HLCS: variants seen among roughly 807,000 people sequenced by gnomAD.
The protein encoded by HLCS is holocarboxylase synthetase, also known as biotin--protein ligase.
HLCS carries 53 observed loss-of-function variants against 75.0 expected under a neutral mutation model. The observed-to-expected ratio is 0.71, with a 90% CI of 0.57 to 0.89. The LOEUF (loss-of-function observed/expected upper bound fraction) is 0.89. Among genes scored for constraint, HLCS ranks in the 40% least tolerant of loss-of-function variants. The probability of loss-of-function intolerance (pLI) is 0.00; values close to 1 mark genes in which losing one functional copy is unlikely to be tolerated. For missense variants in HLCS, 966 were observed against 1,074.0 expected, an observed-to-expected ratio of 0.90 and a Z score of 1.41; for synonymous variants, 431 against 428.6, an observed-to-expected ratio of 1.01 and a Z score of -0.07.
At chr21:36,956,534 C>T (rs1314415788) in intron 2 of HLCS, among the ~76,000 whole-genome samples, 2 of 152,106 alleles carry the variant, frequency 1.3e-5, no homozygotes, top group East Asian at 1.9e-4. Context: ...CAAGACCATT[C>T]TGGCTAACAC....
At chr21:36,926,379 G>A (rs904576037) in intron 5 of HLCS, among the ~76,000 whole-genome samples, 1 of 152,174 alleles carries the variant, frequency 6.6e-6, no homozygotes, top group Admixed American at 6.5e-5. Context: ...CTATCAGAGC[G>A]AACCCTTTCT....
chr21:36,959,243 C>G (rs1009325735), intron 2 of HLCS, among the ~76,000 whole-genome samples: 4 of 152,210 alleles, frequency 2.6e-5, no homozygotes, highest in African/African-American at 7.2e-5. Flanking sequence ...TGAAGCTGAG[C>G]CTGGGCGGTG....
intron 6 of HLCS, among the ~76,000 whole-genome samples, chr21:36,865,341 G>C (rs1446357392): frequency 6.6e-6 from 1 of 152,056 alleles, no homozygotes; most frequent in Non-Finnish European, 1.5e-5. Context: ...CCTTGAAACA[G>C]AAGCTCTGTT....
chr21:36,754,378 C>T lies in HLCS; in HGVS notation c.2490G>A (p.Lys830=). The T allele has an allele frequency of 1.2e-6, 2 of 1,613,814 alleles. No homozygotes were observed. Among genetic ancestry groups the T allele is most frequent in the Non-Finnish European group, 1.7e-6 (2 of 1,179,988 alleles). Residue 830 remains lysine, a synonymous_variant, in exon 11 of 11, where the codon AAG becomes AAA. Transcript: ENST00000674895. ...AATCGTCCAGGCCAACGATGGACAC[C>T]TTTGGTCCCTCTGCGCTGCCCAGAT... is the stretch of plus-strand genomic sequence containing the variant. ...QVHLGSAEGP[K]VSIVGLDDSG... is the part of the protein sequence containing the mutation.
At chr21:36,784,779 A>T (rs1375532716) in intron 6 of HLCS, among the ~76,000 whole-genome samples, 1 of 152,090 alleles carries the variant, frequency 6.6e-6, no homozygotes, top group Non-Finnish European at 1.5e-5. Context: ...CATTTTCTAA[A>T]AGTAAATACT....
intron 2 of HLCS, among the ~76,000 whole-genome samples, chr21:36,961,495 G>A (rs1242857855): frequency 6.6e-6 from 1 of 152,094 alleles, no homozygotes. Flanking sequence ...TCCAGCCTAG[G>A]TGACACAATA....
chr21:36,889,882 T>C (rs922615978), intron 6 of HLCS, among the ~76,000 whole-genome samples: 1 of 152,208 alleles, frequency 6.6e-6, no homozygotes, highest in Non-Finnish European at 1.5e-5. Context: ...CATGGTGATA[T>C]GGTTATGCCC....
chr21:36,902,813 T>C (rs2065293525), intron 5 of HLCS, among the ~76,000 whole-genome samples: 1 of 151,906 alleles, frequency 6.6e-6, no homozygotes, highest in Non-Finnish European at 1.5e-5. Context: ...GACTCTGAAC[T>C]GAGAGTGAGA....
chr21:36,929,662 T>C (rs2066549196), intron 5 of HLCS, among the ~76,000 whole-genome samples: 1 of 152,212 alleles, frequency 6.6e-6, no homozygotes, highest in Non-Finnish European at 1.5e-5. Context: ...TCACAATGAC[T>C]ATGAAACTGA....
At chr21:36,867,957 G>A (rs575760817) in intron 6 of HLCS, among the ~76,000 whole-genome samples, 94 of 152,218 alleles carry the variant, frequency 6.2e-4, no homozygotes, top group African/African-American at 2.2e-3. Flanking sequence ...TTCGAGATCA[G>A]CCTGGCCAAC....
chr21:36,846,380 C>T (rs913082673), intron 6 of HLCS, among the ~76,000 whole-genome samples: 1 of 152,088 alleles, frequency 6.6e-6, no homozygotes. Flanking sequence ...GTCCTCTGTC[C>T]TCCTGAGACC....
chr21:36,860,242 C>T (rs557813808), intron 6 of HLCS, among the ~76,000 whole-genome samples: 3 of 152,244 alleles, frequency 2.0e-5, no homozygotes, highest in African/African-American at 4.8e-5. Flanking sequence ...AGACAGATCA[C>T]ATAACCTCCC....
chr21:36,868,828 G>A (rs954432820), intron 6 of HLCS, among the ~76,000 whole-genome samples: 5 of 152,018 alleles, frequency 3.3e-5, no homozygotes, highest in Admixed American at 2.0e-4. Context: ...CAGGGTCTCC[G>A]GAACCTGGGA....
At chr21:36,838,761 G>C (rs1255735329) in intron 6 of HLCS, among the ~76,000 whole-genome samples, 12 of 151,582 alleles carry the variant, frequency 7.9e-5, no homozygotes, top group Admixed American at 2.0e-4. Context: ...CACACACACA[G>C]AGGAGTTCAC....
In HLCS at chr21:36,936,819, G is replaced by A. The variant is rs766954692; in HGVS notation, c.1067C>T (p.Pro356Leu). Residue 356 changes from proline (P) to leucine (L), a missense_variant, in exon 4 of 11, where the codon CCG becomes CTG. Transcript: ENST00000674895. ...CAACAGCAGACAGTTGTCCGTCCAC[G>A]GGTCTCTGAGAGCACTGTCCTCCAG... ...HLLEDSALRDPWTDNCLLLVI... is the reference protein window; with the variant it reads ...HLLEDSALRDLWTDNCLLLVI... 1.1e-5 allele frequency: 17 copies of A among 1,614,014 alleles called. No homozygotes were observed. The highest frequency in any genetic ancestry group is 4.0e-5 in the African/African-American group (3 of 74,928).
At chr21:36,930,523 A>G in intron 4 of HLCS, 90 bp from the exon 5 acceptor site, 1 of 1,118,382 alleles carries the variant, frequency 8.9e-7, no homozygotes. Context: ...TTTTTTTTTA[A>G]ATTTAGAGAC....
chr21:36,872,193 C>T (rs550431993), intron 6 of HLCS, among the ~76,000 whole-genome samples: 11 of 152,044 alleles, frequency 7.2e-5, no homozygotes, highest in Non-Finnish European at 1.3e-4. Context: ...GAGGCTGAGG[C>T]GGGCGGATCA....
chr21:36,902,559 G>A (rs1196024002), intron 5 of HLCS, among the ~76,000 whole-genome samples: 2 of 152,254 alleles, frequency 1.3e-5, no homozygotes, highest in Admixed American at 1.3e-4. Context: ...CAGCTGCAGG[G>A]AGGTGGGAAT....
rs2064372895 is a variant in HLCS, at chr21:36,884,716, CT to C, written c.1892+12143del. 2.6e-5 allele frequency among the ~76,000 whole-genome samples: 4 copies of C among 152,250 alleles called. 1 individual carries two copies. Among genetic ancestry groups the C allele is most frequent in the Admixed American group, 2.6e-4 (4 of 15,288 alleles). The stretch of plus-strand genomic sequence containing the variant: ...TATTACCTTTTGTGGTCTTTTATTG[CT>C]TGTTTAAATAAAACAGAGGCATTTG... On this transcript the variant is annotated intron_variant, in intron 6 of 10. Transcript: ENST00000674895.
Sources: gnomAD v4.1 joint callset for allele counts (sites outside exome capture counted in the v4.1 genomes callset) on GRCh38, gnomAD v4.1.1 for gene constraint, MANE v1.5 for transcripts, NCBI Gene and HGNC (gene_info 2026-07-23, HGNC 2026-07-21) for gene names.